TRAF3IP1: variants seen among roughly 807,000 people sequenced by gnomAD.
The protein encoded by TRAF3IP1 is TRAF3-interacting protein 1.
Under a neutral mutation model 89.9 loss-of-function variants are expected in TRAF3IP1, and 53 were observed. The observed-to-expected ratio is 0.59, with a 90% CI of 0.47 to 0.74. TRAF3IP1 has a LOEUF of 0.74. TRAF3IP1 is among the 30% of genes least tolerant of loss of function. The probability of loss-of-function intolerance (pLI) is 0.00; values close to 1 mark genes in which losing one functional copy is unlikely to be tolerated. For synonymous variants in TRAF3IP1, 311 were observed against 322.1 expected, an observed-to-expected ratio of 0.97 and a Z score of 0.37; for missense variants, 806 against 866.1, an observed-to-expected ratio of 0.93 and a Z score of 0.87.
chr2:238,377,246 T>TC (rs1305628665), intron 15 of TRAF3IP1, among the ~76,000 whole-genome samples: 3 of 142,816 alleles, frequency 2.1e-5, no homozygotes, highest in African/African-American at 7.9e-5. Flanking sequence ...TTTTTTTTTT[T>TC]TTTTTTTGAG....
chr2:238,400,759 A>T lies in TRAF3IP1; in HGVS notation c.*1840A>T, dbSNP rs546065310. 3 of 152,258 alleles carry T rather than the reference A, an allele frequency of 2.0e-5. 1 individual carries two copies. In the East Asian group the frequency reaches 5.8e-4, roughly 29 times the overall value. The allele number at this position is 152,258 out of a possible 1,614,324, so 9.4% of individuals were successfully genotyped here. A position where few individuals can be genotyped will look rare whatever the true frequency, so the allele number is the denominator to read the frequency against. On this transcript the variant is annotated 3_prime_UTR_variant, in exon 17 of 17. Coordinates refer to ENST00000373327, the MANE Select transcript of TRAF3IP1 (RefSeq NM_015650.4). ...TGCCTTTTATGAATTTGTATATGTG[A>T]ATAGAGTTTGGGGGTTGCCAAAAAT...
At chr2:238,398,454 G>A (rs967778452) in intron 16 of TRAF3IP1, among the ~76,000 whole-genome samples, 1 of 148,788 alleles carries the variant, frequency 6.7e-6, no homozygotes, top group Non-Finnish European at 1.5e-5. Context: ...GGTAGTGGAG[G>A]GGGGATCCCC....
chr2:238,344,847 C>T (rs1180108596), intron 9 of TRAF3IP1: 1 of 622,868 alleles, frequency 1.6e-6, no homozygotes. Context: ...CATGTTTCAT[C>T]ACTTGGGGGG....
chr2:238,322,722 C>T (rs1299743949), intron 1 of TRAF3IP1, among the ~76,000 whole-genome samples: 1 of 146,438 alleles, frequency 6.8e-6, no homozygotes, highest in East Asian at 2.0e-4. Flanking sequence ...AAAGAATTGC[C>T]TTCTTGGCCA....
At chr2:238,328,388 C>G (rs1697943963) in intron 3 of TRAF3IP1, among the ~76,000 whole-genome samples, 1 of 152,156 alleles carries the variant, frequency 6.6e-6, no homozygotes, top group South Asian at 2.1e-4. Context: ...CATGGGTCAG[C>G]TTTATTAACC....
chr2:238,365,283 A>G (rs953370771), intron 15 of TRAF3IP1, among the ~76,000 whole-genome samples: 13 of 152,178 alleles, frequency 8.5e-5, no homozygotes, highest in Admixed American at 5.9e-4. Context: ...TGACAACAGT[A>G]TTTTTAGTTT....
At position 238,328,717 on chromosome 2, in the gene TRAF3IP1, T is replaced by C; in HGVS notation, c.386T>C (p.Leu129Ser). ...AGTGACGATGCGGTGCGGAGGGTTT[T>C]AGCTGGAGAGAAGGGAGAAGTGAAA... Reference protein sequence around the residue: ...LSSDDAVRRVLAGEKGEVKGR... With the variant: ...LSSDDAVRRVSAGEKGEVKGR... The change falls in exon 4 of 17, where the codon TTA becomes TCA. Residue 129 changes from leucine (L) to serine (S), a missense_variant. Physicochemically the swap from Leu to Ser is moderately radical, Grantham distance 145. This residue lies in a region of TRAF3IP1 where 732 missense variants were observed against 780.5 expected (regional missense o/e 0.94). Coordinates refer to ENST00000373327, the MANE Select transcript of TRAF3IP1 (RefSeq NM_015650.4). The C allele has an allele frequency of 6.2e-7, 1 of 1,613,994 alleles. No individual in the cohort carries two copies. The highest frequency in any genetic ancestry group is 8.5e-7 in the Non-Finnish European group (1 of 1,179,972).
intron 15 of TRAF3IP1, among the ~76,000 whole-genome samples, chr2:238,388,374 CAA>C (rs71043134): frequency 2.2e-4 from 22 of 101,624 alleles, no homozygotes; most frequent in East Asian, 3.3e-4. Context: ...GACCCTGTCT[CAA>C]AAAAAAAAAA....
intron 14 of TRAF3IP1, 123 bp downstream of exon 14, chr2:238,353,332 A>G (rs1466325594): frequency 2.9e-5 from 30 of 1,052,590 alleles, no homozygotes; most frequent in Non-Finnish European, 3.8e-5. Context: ...TCTGGGTCAC[A>G]CTGGCGGGAT....
chr2:238,383,465 C>T (rs1700631773), intron 15 of TRAF3IP1, among the ~76,000 whole-genome samples: 1 of 152,210 alleles, frequency 6.6e-6, no homozygotes, highest in African/African-American at 2.4e-5. Flanking sequence ...CAGGTGAATG[C>T]TCACTGTCCC....
chr2:238,392,564 C>T (rs1373259139), intron 15 of TRAF3IP1, among the ~76,000 whole-genome samples: 1 of 137,600 alleles, frequency 7.3e-6, no homozygotes, highest in Non-Finnish European at 1.5e-5. Flanking sequence ...CATGGATTAG[C>T]AGTCTGTTCC....
rs551993933 is a variant in TRAF3IP1, at chr2:238,353,293, G to A, written c.1612+84G>A. 1.4e-4 allele frequency: 212 copies of A among 1,470,068 alleles called. 5 individuals carry two copies. In the South Asian group the frequency reaches 2.4e-3, roughly 17 times the overall value. 91.1% of individuals were successfully genotyped at this position (1,470,068 alleles called of 1,614,324 possible). ...CCACGTGGGCCTGGAAGGATCCAGTGCAAGGGACTGTTGTGTGCCAGGTTC... is the reference window on the plus strand; with the variant it reads ...CCACGTGGGCCTGGAAGGATCCAGTACAAGGGACTGTTGTGTGCCAGGTTC... On this transcript the variant is annotated intron_variant, in intron 14 of 16. Coordinates refer to ENST00000373327, the MANE Select transcript of TRAF3IP1 (RefSeq NM_015650.4).
At chr2:238,358,407 A>T (rs1699516963) in intron 15 of TRAF3IP1, among the ~76,000 whole-genome samples, 1 of 152,142 alleles carries the variant, frequency 6.6e-6, no homozygotes, top group South Asian at 2.1e-4. Context: ...ATGGTGGTGC[A>T]CACTTGTAGT....
At position 238,338,444 on chromosome 2, in the gene TRAF3IP1, A is replaced by C; in HGVS notation, c.1146A>C (p.Thr382=). ...GINNEPNQET[T]TSEIGTKEAN... is the part of the protein sequence containing the mutation. The stretch of plus-strand genomic sequence containing the variant: ...ATAATGAGCCAAATCAGGAAACGAC[A>C]ACATCAGAAATAGGTAAGAAAAATA... The change falls in exon 8 of 17, where the codon ACA becomes ACC. Residue 382 remains threonine (T), a synonymous_variant. Coordinates refer to ENST00000373327, the MANE Select transcript of TRAF3IP1 (RefSeq NM_015650.4). 1 of 1,581,692 alleles carries C rather than the reference A, an allele frequency of 6.3e-7. No individual in the cohort carries two copies. Among genetic ancestry groups the C allele is most frequent in the Non-Finnish European group, 8.6e-7 (1 of 1,160,340 alleles).
chr2:238,355,972 CTT>C lies in TRAF3IP1; in HGVS notation c.1613-29_1613-28del, dbSNP rs779102606. ...ATAGGTTTTTGGGATAGAGAATAAA[CTT>C]TTAACATAAAATCACTGATTTTTCA... On this transcript the variant is annotated intron_variant, in intron 14 of 16. Coordinates refer to ENST00000373327, the MANE Select transcript of TRAF3IP1 (RefSeq NM_015650.4). 4 of 1,567,542 alleles carry C rather than the reference CTT, an allele frequency of 2.6e-6. No homozygotes were observed. In the East Asian group the frequency reaches 9.1e-5, roughly 36 times the overall value.
intron 15 of TRAF3IP1, among the ~76,000 whole-genome samples, chr2:238,365,157 A>G (rs932685090): frequency 1.3e-5 from 2 of 152,198 alleles, no homozygotes; most frequent in Non-Finnish European, 2.9e-5. Flanking sequence ...TGGTGATAGG[A>G]ATAGATCCTC....
chr2:238,376,857 C>G (rs887304965), intron 15 of TRAF3IP1, among the ~76,000 whole-genome samples: 1 of 152,170 alleles, frequency 6.6e-6, no homozygotes, highest in African/African-American at 2.4e-5. Context: ...CAGCAAACAC[C>G]TAATAGGGCA....
At chr2:238,385,140 C>G (rs1000528969) in intron 15 of TRAF3IP1, among the ~76,000 whole-genome samples, 1 of 151,942 alleles carries the variant, frequency 6.6e-6, no homozygotes, top group Non-Finnish European at 1.5e-5. Flanking sequence ...CTCAGCCTCC[C>G]GAGTAGCTGG....
chr2:238,347,737 C>A (rs1308324230), intron 10 of TRAF3IP1, among the ~76,000 whole-genome samples: 2 of 152,092 alleles, frequency 1.3e-5, no homozygotes, highest in African/African-American at 2.4e-5. Context: ...AAGCAATTCT[C>A]CTGCCTCAGC....
Sources: gnomAD v4.1 joint callset for allele counts (sites outside exome capture counted in the v4.1 genomes callset) on GRCh38, gnomAD v4.1.1 for gene constraint, gnomAD v4.1.1 regional missense constraint, MANE v1.5 for transcripts, NCBI Gene and HGNC (gene_info 2026-07-23, HGNC 2026-07-21) for gene names.